The following SMARCB1 variants were observed in gnomAD, a reference collection of about 807,000 sequenced individuals.
SMARCB1 encodes the protein SWI/SNF related BAF chromatin remodeling complex subunit B1.
Under a neutral mutation model 49.0 loss-of-function variants are expected in SMARCB1, and 5 were observed. The ratio of observed to expected loss-of-function variants is 0.10; its 90% CI spans 0.05 to 0.21. SMARCB1 has a LOEUF of 0.21. Among genes scored for constraint, SMARCB1 ranks in the 10% least tolerant of loss-of-function variants. The pLI, the probability that SMARCB1 is intolerant of heterozygous loss-of-function variation, is 1.00. For synonymous variants in SMARCB1, 201 were observed against 200.1 expected, an observed-to-expected ratio of 1.00 and a Z score of -0.04; for missense variants, 226 against 509.2, an observed-to-expected ratio of 0.44 and a Z score of 5.35.
intron 5 of SMARCB1, among the ~76,000 whole-genome samples, chr22:23,804,607 G>A (rs12160196): frequency 0.013 from 2,001 of 152,210 alleles, 45 homozygotes; most frequent in African/African-American, 0.045. Context: ...GCGGTGGCAC[G>A]ATCTCGGCTC....
chr22:23,793,365 C>A (rs1448387082), intron 2 of SMARCB1, 194 bp from the exon 3 acceptor site: 1 of 707,082 alleles, frequency 1.4e-6, no homozygotes, highest in Non-Finnish European at 2.6e-6. Flanking sequence ...AGGCTCTACC[C>A]AGCAGGACTT....
intron 5 of SMARCB1, chr22:23,804,150 A>T (rs1929348793): frequency 6.6e-6 from 1 of 151,956 alleles, no homozygotes; most frequent in African/African-American, 2.4e-5. Context: ...GAATTTTTAT[A>T]ATGAACATAC....
At chr22:23,833,794 G>T in intron 8 of SMARCB1, 91 bp downstream of exon 8, 1 of 1,468,110 alleles carries the variant, frequency 6.8e-7, no homozygotes, top group Non-Finnish European at 9.5e-7. Flanking sequence ...GTCTCCCATG[G>T]TCTCTGAGAC....
chr22:23,803,101 G>T lies in SMARCB1; in HGVS notation c.501-194G>T, dbSNP rs1929267744. On this transcript the variant is annotated intron_variant, in intron 4 of 8. Coordinates refer to ENST00000644036, the MANE Select transcript of SMARCB1 (RefSeq NM_003073.5). ...GACAGACTGGTGCTTGTTATTTATG[G>T]CCCCAACTGTCCCCATTAGACCGTG... 5.7e-6 allele frequency: 4 copies of T among 697,136 alleles called. No individual in the cohort carries two copies. In the Admixed American group the frequency reaches 8.2e-5, roughly 14 times the overall value. The allele number at this position is 697,136 out of a possible 1,614,324, so 43.2% of individuals were successfully genotyped here.
chr22:23,827,107 T>C (rs995372154), intron 7 of SMARCB1, among the ~76,000 whole-genome samples: 1 of 152,180 alleles, frequency 6.6e-6, no homozygotes, highest in Non-Finnish European at 1.5e-5. Context: ...GAGGCAGTCA[T>C]GTTGCGCGCA....
At chr22:23,803,552 T>C (rs139888471) in intron 5 of SMARCB1, 130 bp downstream of exon 5, 2 of 1,037,164 alleles carry the variant, frequency 1.9e-6, no homozygotes, top group African/African-American at 3.1e-5. Flanking sequence ...GGGCATAGTT[T>C]TGGAGGGTGT....
chr22:23,794,275 C>G (rs546788785), intron 3 of SMARCB1, among the ~76,000 whole-genome samples: 101 of 152,288 alleles, frequency 6.6e-4, no homozygotes, highest in African/African-American at 2.4e-3. Context: ...TTTAACAGTT[C>G]CCTCTGTTTT....
chr22:23,825,515 C>A, intron 7 of SMARCB1, 100 bp downstream of exon 7: 2 of 1,025,396 alleles, frequency 2.0e-6, no homozygotes, highest in Non-Finnish European at 2.9e-6. Flanking sequence ...GGCTTTCTCA[C>A]GCTTCGCAGC....
intron 5 of SMARCB1, among the ~76,000 whole-genome samples, chr22:23,809,658 G>A (rs1380491213): frequency 6.6e-6 from 1 of 151,018 alleles, no homozygotes; most frequent in South Asian, 2.1e-4. Flanking sequence ...TGTTCCGCCC[G>A]CCTTGGCCTC....
chr22:23,801,180 C>T (rs771063177), intron 4 of SMARCB1, 99 bp downstream of exon 4: 1 of 1,545,656 alleles, frequency 6.5e-7, no homozygotes, highest in Non-Finnish European at 8.9e-7. Flanking sequence ...TCTGCTTTGA[C>T]CTTGTGCTCC....
intron 5 of SMARCB1, among the ~76,000 whole-genome samples, chr22:23,806,705 T>C (rs937014208): frequency 1.3e-5 from 2 of 152,104 alleles, no homozygotes; most frequent in Admixed American, 6.6e-5. Flanking sequence ...GAAGATCACT[T>C]GAGGCCAGGA....
chr22:23,816,015 G>A (rs1930175313), intron 5 of SMARCB1: 1 of 152,836 alleles, frequency 6.5e-6, no homozygotes, highest in Admixed American at 6.5e-5. Context: ...AGGAGATAGT[G>A]GGGCTGTGGT....
intron 8 of SMARCB1, among the ~76,000 whole-genome samples, 198 bp from the exon 9 acceptor site, chr22:23,833,943 T>TG: frequency 6.6e-6 from 1 of 152,216 alleles, no homozygotes; most frequent in Non-Finnish European, 1.5e-5. Context: ...ATCCAGGTTT[T>TG]GGGGTCCCTG....
chr22:23,810,152 A>G (rs1321954420), intron 5 of SMARCB1, among the ~76,000 whole-genome samples: 1 of 151,304 alleles, frequency 6.6e-6, no homozygotes, highest in Non-Finnish European at 1.5e-5. Flanking sequence ...AGCCTGGGTG[A>G]CAGAGCGAGA....
At chr22:23,798,741 C>T (rs368637462) in intron 3 of SMARCB1, among the ~76,000 whole-genome samples, 1 of 152,102 alleles carries the variant, frequency 6.6e-6, no homozygotes, top group Non-Finnish European at 1.5e-5. Context: ...CCGGGTCCCT[C>T]CTTAGAGGGA....
rs1928016662 is a variant in SMARCB1, at chr22:23,787,002, T to TCTGCGG, written c.-166_-161dup. The TCTGCGG allele has an allele frequency of 4.0e-6, 2 of 502,298 alleles. No homozygotes were observed. The highest frequency in any genetic ancestry group is 8.7e-5 in the Admixed American group (2 of 22,864). The allele number at this position is 502,298 out of a possible 1,614,324, so 31.1% of individuals were successfully genotyped here. ...CGCACTGAGGGCGGCCTGGTCGTCG[T>TCTGCGG]CTGCGGCGGCGGCGGCGGCTGAGGA... On this transcript the variant is annotated 5_prime_UTR_variant, in exon 1 of 9. Transcript: ENST00000644036.
At chr22:23,818,511 A>G (rs2029909779) in intron 6 of SMARCB1, 1 of 152,156 alleles carries the variant, frequency 6.6e-6, no homozygotes, top group African/African-American at 2.4e-5. Flanking sequence ...ATAACATAAA[A>G]TTTACCATTT....
chr22:23,812,757 A>G (rs1424982574), intron 5 of SMARCB1, among the ~76,000 whole-genome samples: 1 of 152,180 alleles, frequency 6.6e-6, no homozygotes, highest in Non-Finnish European at 1.5e-5. Flanking sequence ...CAGAAAAAGC[A>G]TTTTGTAGAA....
At chr22:23,825,172 G>A (rs973142334) in intron 6 of SMARCB1, 53 bp from the exon 7 acceptor site, 41 of 1,539,970 alleles carry the variant, frequency 2.7e-5, no homozygotes, top group African/African-American at 4.1e-5. Context: ...CGCTCCTCGC[G>A]GCCTCCCTGG....
Sources: gnomAD v4.1 joint callset for allele counts (sites outside exome capture counted in the v4.1 genomes callset) on GRCh38, gnomAD v4.1.1 for gene constraint, MANE v1.5 for transcripts, NCBI Gene and HGNC (gene_info 2026-07-23, HGNC 2026-07-21) for gene names.